The following TRAPPC9 variants were observed in gnomAD, a reference collection of about 807,000 sequenced individuals.
TRAPPC9 encodes the protein trafficking protein particle complex subunit 9.
TRAPPC9 carries 83 observed loss-of-function variants against 124.0 expected under a neutral mutation model. The ratio of observed to expected loss-of-function variants is 0.67; its 90% CI spans 0.56 to 0.80. The LOEUF (loss-of-function observed/expected upper bound fraction) is 0.80, where lower values mean the gene tolerates loss of function less well. Ranked by LOEUF, TRAPPC9 falls within the 30% of genes least tolerant of loss-of-function variation. The probability of loss-of-function intolerance (pLI) is 0.00; values close to 1 mark genes in which losing one functional copy is unlikely to be tolerated. For missense variants in TRAPPC9, 1,302 were observed against 1,508.3 expected (o/e 0.86, Z 2.27); for synonymous variants, 638 against 617.5 (o/e 1.03, Z -0.49).
At chr8:140,072,758 T>C (rs1843266754) in intron 17 of TRAPPC9, among the ~76,000 whole-genome samples, 1 of 150,130 alleles carries the variant, frequency 6.7e-6, no homozygotes, top group South Asian at 2.1e-4. Flanking sequence ...TGTACATAAA[T>C]ATATGTGCAT....
intron 9 of TRAPPC9, among the ~76,000 whole-genome samples, chr8:140,352,885 T>C (rs554826313): frequency 1.2e-4 from 18 of 152,296 alleles, no homozygotes; most frequent in African/African-American, 3.6e-4. Flanking sequence ...GAACCACTAA[T>C]GTCTGACCAA....
intron 21 of TRAPPC9, among the ~76,000 whole-genome samples, chr8:139,834,698 G>T (rs1826217034): frequency 6.6e-6 from 1 of 152,224 alleles, no homozygotes; most frequent in African/African-American, 2.4e-5. Flanking sequence ...CCTGAACTTG[G>T]AGTCCTGCCT....
chr8:139,894,133 T>C (rs1015217472), intron 20 of TRAPPC9, among the ~76,000 whole-genome samples: 1 of 152,204 alleles, frequency 6.6e-6, no homozygotes, highest in African/African-American at 2.4e-5. Flanking sequence ...CAGTGCCCTT[T>C]ATGAGAATTC....
intron 21 of TRAPPC9, among the ~76,000 whole-genome samples, chr8:139,769,713 A>T (rs1211261341): frequency 6.6e-6 from 1 of 152,268 alleles, no homozygotes; most frequent in Non-Finnish European, 1.5e-5. Context: ...GGCTTAAAAT[A>T]AGCAGTAACC....
chr8:139,730,766 T>A lies in TRAPPC9; in HGVS notation c.*295A>T, dbSNP rs1158792792. The A allele has an allele frequency of 6.5e-6, 3 of 458,234 alleles. No individual in the cohort carries two copies. Among genetic ancestry groups the A allele is most frequent in the African/African-American group, 5.9e-5 (3 of 50,882 alleles). The allele number at this position is 458,234 out of a possible 1,614,324, so 28.4% of individuals were successfully genotyped here. A position where few individuals can be genotyped will look rare whatever the true frequency, so the allele number is the denominator to read the frequency against. On this transcript the variant is annotated 3_prime_UTR_variant, in exon 23 of 23. Coordinates refer to ENST00000438773, the MANE Select transcript of TRAPPC9 (RefSeq NM_001160372.4). ...CAGGTCACAGAAATGGGTGCAGGGA[T>A]CCTGGGACCTGGGCTGGATGGGCAC...
Position 140,353,748 on chromosome 8 carries a change from C to A in TRAPPC9, c.1495+6302G>T, listed in dbSNP as rs1268572032. 1.3e-5 allele frequency among the ~76,000 whole-genome samples: 2 copies of A among 152,204 alleles called. No individual in the cohort carries two copies. Among genetic ancestry groups the A allele is most frequent in the Non-Finnish European group, 2.9e-5 (2 of 68,048 alleles). ...AAAATTGCCAGTTAGAAGAAATATC[C>A]ATTTGGTAGCATAGTAGAAGGTGGG... On this transcript the variant is annotated intron_variant, in intron 9 of 22. Coordinates refer to ENST00000438773, the MANE Select transcript of TRAPPC9 (RefSeq NM_001160372.4). This position sits in a 1 kb window ranked among gnomAD's most constrained non-coding sequence, Gnocchi z 4.2.
intron 17 of TRAPPC9, among the ~76,000 whole-genome samples, chr8:140,176,921 T>A (rs1297889265): frequency 1.3e-5 from 2 of 152,234 alleles, no homozygotes; most frequent in East Asian, 3.9e-4. Flanking sequence ...GAGCATCTTT[T>A]CATGTTATTT....
At chr8:139,858,047 G>A (rs1309538534) in intron 21 of TRAPPC9, among the ~76,000 whole-genome samples, 2 of 152,196 alleles carry the variant, frequency 1.3e-5, no homozygotes, top group East Asian at 3.9e-4. Flanking sequence ...GCTACTCGAA[G>A]GAACCTGCTC....
intron 17 of TRAPPC9, among the ~76,000 whole-genome samples, chr8:140,154,680 C>A (rs2061600009): frequency 6.6e-6 from 1 of 152,162 alleles, no homozygotes; most frequent in African/African-American, 2.4e-5. Context: ...GGTCTTACAC[C>A]CTTGTCTAGG....
At chr8:139,893,509 A>T (rs930988332) in intron 20 of TRAPPC9, among the ~76,000 whole-genome samples, 8 of 152,264 alleles carry the variant, frequency 5.3e-5, no homozygotes, top group Non-Finnish European at 1.0e-4. Context: ...TCCCTTGAGG[A>T]ACCGTGAACA....
At chr8:139,928,631 G>A (rs944603614) in intron 19 of TRAPPC9, among the ~76,000 whole-genome samples, 3 of 151,798 alleles carry the variant, frequency 2.0e-5, no homozygotes, top group South Asian at 2.1e-4. Context: ...AGCTGCTGTC[G>A]GTACTGGGTG....
At chr8:139,994,334 G>A (rs1837835631) in intron 18 of TRAPPC9, among the ~76,000 whole-genome samples, 1 of 152,202 alleles carries the variant, frequency 6.6e-6, no homozygotes, top group South Asian at 2.1e-4. Context: ...CTGTGCGCCT[G>A]AGGCACAGAA....
At chr8:139,813,514 A>G (rs559536724) in intron 21 of TRAPPC9, among the ~76,000 whole-genome samples, 14 of 152,276 alleles carry the variant, frequency 9.2e-5, no homozygotes, top group African/African-American at 3.4e-4. Flanking sequence ...GAGAAGGGCC[A>G]GGCCTAGAGA....
chr8:140,370,125 A>G (rs1334726486), intron 8 of TRAPPC9, among the ~76,000 whole-genome samples: 1 of 84,798 alleles, frequency 1.2e-5, no homozygotes, highest in Non-Finnish European at 2.2e-5. Context: ...ACCCCTCAAA[A>G]ATGTTTTTTT....
At chr8:140,002,844 C>CAAAAAAAAAAAAAAA (rs56895763) in intron 18 of TRAPPC9, among the ~76,000 whole-genome samples, 2 of 68,800 alleles carry the variant, frequency 2.9e-5, no homozygotes, top group Non-Finnish European at 5.6e-5. Context: ...TTCCACTTAT[C>CAAAAAAAAAAAAAAA]AAAAAAAAAA....
intron 9 of TRAPPC9, among the ~76,000 whole-genome samples, chr8:140,326,968 C>T (rs2066754142): frequency 6.6e-6 from 1 of 152,016 alleles, no homozygotes; most frequent in Non-Finnish European, 1.5e-5. Context: ...AACAATCATC[C>T]AGGCCGGGCG....
rs4367515 is a variant in TRAPPC9, at chr8:140,003,351, G to T, written c.2700-14515C>A. ...GCACTTTGGGAGGCTGAGGCAGGTG[G>T]ATCACCTGAGGTCAGGAGTTTGAGA... On this transcript the variant is annotated intron_variant, in intron 18 of 22. Coordinates refer to ENST00000438773, the MANE Select transcript of TRAPPC9 (RefSeq NM_001160372.4). 7.7e-3 allele frequency among the ~76,000 whole-genome samples: 1,168 copies of T among 152,210 alleles called. 14 individuals are homozygous for T. The highest frequency in any genetic ancestry group is 0.026 in the African/African-American group (1,092 of 41,528).
chr8:140,328,914 T>TG (rs1202464776), intron 9 of TRAPPC9, among the ~76,000 whole-genome samples: 1 of 150,934 alleles, frequency 6.6e-6, no homozygotes, highest in Non-Finnish European at 1.5e-5. Flanking sequence ...GGGGACCGGG[T>TG]GGAGGAGAGC....
intron 10 of TRAPPC9, among the ~76,000 whole-genome samples, chr8:140,309,324 G>A (rs1467822034): frequency 6.6e-6 from 1 of 152,202 alleles, no homozygotes; most frequent in African/African-American, 2.4e-5. Context: ...TTTTAAGCCC[G>A]GCTTAAAGAT....
Sources: allele counts gnomAD v4.1 joint callset (sites outside exome capture counted in the v4.1 genomes callset), GRCh38; gene constraint gnomAD v4.1.1; non-coding constraint Gnocchi (gnomAD v3.1); transcripts MANE v1.5; gene names NCBI Gene and HGNC (gene_info 2026-07-23, HGNC 2026-07-21).